Variants in NRXN1 observed in about 807,000 individuals in gnomAD.
The protein encoded by NRXN1 is neurexin-1.
NRXN1 carries 39 observed loss-of-function variants against 150.9 expected under a neutral mutation model. That is an observed-to-expected ratio of 0.26 (90% CI 0.20 to 0.34). The LOEUF is 0.34. NRXN1 is among the 10% of genes least tolerant of loss of function. The pLI is 1.00. For synonymous variants in NRXN1, 924 were observed against 757.0 expected (o/e 1.22, Z -3.62); for missense variants, 1,815 against 1,949.9 (o/e 0.93, Z 1.30).
chr2:50,550,159 A>T (rs1458374736), intron 9 of NRXN1, among the ~76,000 whole-genome samples: 1 of 152,026 alleles, frequency 6.6e-6, no homozygotes, highest in Admixed American at 6.6e-5. Context: ...AATTGATTTG[A>T]TGTTTGGTGT....
chr2:50,225,046 G>A (rs1398359068), intron 18 of NRXN1, among the ~76,000 whole-genome samples: 2 of 151,928 alleles, frequency 1.3e-5, no homozygotes, highest in African/African-American at 2.4e-5. Flanking sequence ...AAATAACACA[G>A]GAAAAATGAA....
intron 2 of NRXN1, among the ~76,000 whole-genome samples, chr2:50,981,728 C>A (rs2104891209): frequency 6.6e-6 from 1 of 151,924 alleles, no homozygotes; most frequent in East Asian, 1.9e-4. Context: ...ATGATAACCA[C>A]CAACAAAGGG....
At chr2:50,596,236 C>A (rs1450206014) in intron 8 of NRXN1, among the ~76,000 whole-genome samples, 1 of 152,174 alleles carries the variant, frequency 6.6e-6, no homozygotes, top group Non-Finnish European at 1.5e-5. Flanking sequence ...AATCTGAGTT[C>A]TTTGGATAAA....
At chr2:50,230,123 C>T (rs1032551233) in intron 18 of NRXN1, among the ~76,000 whole-genome samples, 3 of 152,018 alleles carry the variant, frequency 2.0e-5, no homozygotes, top group Non-Finnish European at 2.9e-5. Context: ...ATTCCGGAGA[C>T]CTAACTTCTT....
At chr2:49,952,238 G>A (rs960949193) in intron 21 of NRXN1, among the ~76,000 whole-genome samples, 6 of 151,878 alleles carry the variant, frequency 4.0e-5, no homozygotes, top group African/African-American at 1.2e-4. Context: ...TGTGATTTAC[G>A]AAGATACATG....
intron 5 of NRXN1, among the ~76,000 whole-genome samples, chr2:50,694,608 G>A (rs1465738982): frequency 1.3e-5 from 2 of 152,060 alleles, no homozygotes; most frequent in Non-Finnish European, 2.9e-5. Flanking sequence ...CAGAATCGAA[G>A]AAGCATCATA....
chr2:50,981,642 A>C (rs1696836910), intron 2 of NRXN1, among the ~76,000 whole-genome samples: 1 of 151,994 alleles, frequency 6.6e-6, no homozygotes. Flanking sequence ...TTTAACCAAA[A>C]GAACAGTCTG....
chr2:50,229,755 G>A (rs940394562), intron 18 of NRXN1, among the ~76,000 whole-genome samples: 4 of 152,024 alleles, frequency 2.6e-5, no homozygotes, highest in Non-Finnish European at 4.4e-5. Context: ...ATTATAAATT[G>A]CATTATAGGT....
chr2:50,577,543 C>T (rs900663174), intron 8 of NRXN1, among the ~76,000 whole-genome samples: 1 of 152,026 alleles, frequency 6.6e-6, no homozygotes, highest in African/African-American at 2.4e-5. Context: ...AGCTGAAGAA[C>T]ATTACTAAGT....
chr2:50,599,857 A>G (rs1471635625), intron 8 of NRXN1, among the ~76,000 whole-genome samples: 1 of 152,198 alleles, frequency 6.6e-6, no homozygotes, highest in African/African-American at 2.4e-5. Context: ...AGGGTGAATA[A>G]TTGTTTTGTC....
chr2:50,157,900 C>T (rs996062846), intron 18 of NRXN1, among the ~76,000 whole-genome samples: 4 of 151,538 alleles, frequency 2.6e-5, no homozygotes, highest in African/African-American at 9.7e-5. Context: ...CATTTCATGA[C>T]TGGGATTAGA....
At chr2:50,662,659 T>C (rs979166798) in intron 5 of NRXN1, among the ~76,000 whole-genome samples, 1 of 152,004 alleles carries the variant, frequency 6.6e-6, no homozygotes, top group Non-Finnish European at 1.5e-5. Flanking sequence ...AGGCGATTCT[T>C]CTTCCAATGT....
At chr2:50,404,197 T>C (rs1374486494) in intron 17 of NRXN1, among the ~76,000 whole-genome samples, 1 of 151,720 alleles carries the variant, frequency 6.6e-6, no homozygotes, top group Admixed American at 6.6e-5. Flanking sequence ...GTTGTTGTTG[T>C]TGTTTTTGGT....
intron 2 of NRXN1, among the ~76,000 whole-genome samples, 186 bp from the exon 3 acceptor site, chr2:50,926,141 T>A (rs75071398): frequency 1.1e-3 from 169 of 151,952 alleles, no homozygotes; most frequent in African/African-American, 4.0e-3. Flanking sequence ...ATTGGCAGCA[T>A]TGATAGGAAG....
At chr2:50,194,425 T>G (rs979180967) in intron 18 of NRXN1, among the ~76,000 whole-genome samples, 2 of 152,170 alleles carry the variant, frequency 1.3e-5, no homozygotes, top group Admixed American at 6.5e-5. Flanking sequence ...AATTCATAAA[T>G]TCTAGCTATT....
chr2:50,669,126 C>A lies in NRXN1; in HGVS notation c.833-45511G>T, dbSNP rs528351804. Among the ~76,000 whole-genome samples the A allele has an allele frequency of 2.6e-5, 4 of 151,816 alleles. No individual in the cohort carries two copies. In the South Asian group the frequency reaches 8.3e-4, roughly 32 times the overall value. ...AGCTGGTCTGAAGAAAGAGTTTACT[C>A]AAAGAAATAACAAACAATGCATTTG... On this transcript the variant is annotated intron_variant, in intron 5 of 22. Coordinates refer to ENST00000401669, the MANE Select transcript of NRXN1 (RefSeq NM_001330078.2).
At chr2:50,794,467 G>A (rs1706506939) in intron 5 of NRXN1, among the ~76,000 whole-genome samples, 1 of 152,054 alleles carries the variant, frequency 6.6e-6, no homozygotes, top group Non-Finnish European at 1.5e-5. Context: ...CAGGCAAAAT[G>A]ATGGTATAAT....
intron 17 of NRXN1, among the ~76,000 whole-genome samples, chr2:50,266,908 CTTCT>C (rs2068965947): frequency 6.6e-6 from 1 of 152,152 alleles, no homozygotes. Flanking sequence ...ATTAGTTATT[CTTCT>C]TTATTATAGA....
At chr2:50,443,894 G>A (rs2086179914) in intron 17 of NRXN1, among the ~76,000 whole-genome samples, 1 of 151,936 alleles carries the variant, frequency 6.6e-6, no homozygotes, top group Admixed American at 6.6e-5. Context: ...ATTGCCATTT[G>A]GAAATTTAAA....
Sources: allele counts gnomAD v4.1 joint callset (sites outside exome capture counted in the v4.1 genomes callset), GRCh38; gene constraint gnomAD v4.1.1; transcripts MANE v1.5; gene names NCBI Gene and HGNC (gene_info 2026-07-23, HGNC 2026-07-21).